The following GALNTL6 variants were observed in gnomAD, a reference collection of about 807,000 sequenced individuals.
The protein encoded by GALNTL6 is polypeptide N-acetylgalactosaminyltransferase like 6.
Under a neutral mutation model 73.7 loss-of-function variants are expected in GALNTL6, and 46 were observed. The observed-to-expected ratio is 0.62, with a 90% CI of 0.49 to 0.80. The LOEUF is 0.80. GALNTL6 is among the 30% of genes least tolerant of loss of function. GALNTL6 has a pLI of 0.00. For synonymous variants in GALNTL6, 259 were observed against 263.7 expected (o/e 0.98, Z 0.17); for missense variants, 604 against 755.0 (o/e 0.80, Z 2.34).
chr4:172,310,297 G>T (rs931404784), intron 3 of GALNTL6, among the ~76,000 whole-genome samples: 1 of 151,616 alleles, frequency 6.6e-6, no homozygotes, highest in Non-Finnish European at 1.5e-5. Context: ...ATATGACAGG[G>T]TCTTGTTCTG....
chr4:172,979,736 T>G (rs189076765), intron 10 of GALNTL6, among the ~76,000 whole-genome samples: 12 of 152,360 alleles, frequency 7.9e-5, no homozygotes, highest in African/African-American at 2.4e-4. Flanking sequence ...ACTGGAAAGC[T>G]TGGCTGTTAA....
rs192021939 is a variant in GALNTL6, at chr4:172,366,732, A to T, written c.553+18043A>T. ...CCTTGATTTTTTCTCTTACAATTAA[A>T]TTTATCTAAAGAAAAGACATGTCTG... On this transcript the variant is annotated intron_variant, in intron 5 of 12. Coordinates refer to ENST00000506823, the MANE Select transcript of GALNTL6 (RefSeq NM_001034845.3). 2.2e-3 allele frequency among the ~76,000 whole-genome samples: 330 copies of T among 152,278 alleles called. 1 individual carries two copies. The highest frequency in any genetic ancestry group is 7.1e-3 in the African/African-American group (296 of 41,558).
chr4:172,842,872 C>T (rs1426045696), intron 7 of GALNTL6, among the ~76,000 whole-genome samples: 1 of 151,910 alleles, frequency 6.6e-6, no homozygotes, highest in Non-Finnish European at 1.5e-5. Flanking sequence ...CAAAGTGAGC[C>T]GTGAGGGAAC....
At chr4:172,728,486 G>GTATATGTACATATACAGTGAAATA (rs1735957506) in intron 5 of GALNTL6, among the ~76,000 whole-genome samples, 1 of 151,680 alleles carries the variant, frequency 6.6e-6, no homozygotes, top group Non-Finnish European at 1.5e-5. Context: ...ATATTTCATT[G>GTATATGTACATATACAGTGAAATA]TATATGTACA....
intron 2 of GALNTL6, among the ~76,000 whole-genome samples, chr4:172,198,586 C>G (rs1735853604): frequency 6.6e-6 from 1 of 152,206 alleles, no homozygotes; most frequent in Admixed American, 6.5e-5. Flanking sequence ...AGTGCCCTCA[C>G]AAAAAGGTCA....
intron 2 of GALNTL6, among the ~76,000 whole-genome samples, chr4:172,080,843 A>T (rs1025243051): frequency 3.3e-5 from 5 of 151,640 alleles, no homozygotes; most frequent in African/African-American, 9.7e-5. Flanking sequence ...TTAATTTTTT[A>T]AATTTATATT....
chr4:172,952,337 C>A, intron 10 of GALNTL6, 79 bp downstream of exon 10: 1 of 930,624 alleles, frequency 1.1e-6, no homozygotes, highest in Non-Finnish European at 1.7e-6. Flanking sequence ...GTGGGAGGGA[C>A]TGCTAAAACC....
chr4:172,057,725 AAAATATAT>A (rs1731068780), intron 2 of GALNTL6, among the ~76,000 whole-genome samples: 9 of 62,886 alleles, frequency 1.4e-4, no homozygotes, highest in African/African-American at 5.7e-4. Context: ...AAAAAAAAAA[AAAATATAT>A]ATATATATAT....
chr4:171,999,148 T>C (rs1349739011), intron 2 of GALNTL6, among the ~76,000 whole-genome samples: 1 of 152,170 alleles, frequency 6.6e-6, no homozygotes, highest in African/African-American at 2.4e-5. Flanking sequence ...GATTCCTATG[T>C]TATTTACTAG....
intron 8 of GALNTL6, among the ~76,000 whole-genome samples, chr4:172,895,207 G>A (rs1319358156): frequency 6.6e-6 from 1 of 151,432 alleles, no homozygotes; most frequent in Non-Finnish European, 1.5e-5. Context: ...TTATGGATAA[G>A]TAAGAATTTA....
chr4:172,275,465 A>G (rs929296026), intron 3 of GALNTL6, among the ~76,000 whole-genome samples: 4 of 152,192 alleles, frequency 2.6e-5, no homozygotes, highest in Admixed American at 6.5e-5. Context: ...CCTGTACTTC[A>G]GTTTCTAAGA....
At chr4:171,905,033 C>A (rs1005638363) in intron 2 of GALNTL6, among the ~76,000 whole-genome samples, 12 of 152,132 alleles carry the variant, frequency 7.9e-5, no homozygotes, top group East Asian at 7.7e-4. Flanking sequence ...CGAGCCACTG[C>A]AAAATCATGC....
At position 172,849,227 on chromosome 4, in the gene GALNTL6, G is replaced by A. The variant is rs182221562; in HGVS notation, c.924-33563G>A. 4.6e-5 allele frequency among the ~76,000 whole-genome samples: 7 copies of A among 152,264 alleles called. No individual in the cohort carries two copies. The East Asian group carries it at 1.4e-3, about 29-fold the overall frequency. The stretch of plus-strand genomic sequence containing the variant: ...GTAAAAGGAAGACAATTTTTCAAAG[G>A]AAACTTGATGAAGATTGAGAGCCAA... On this transcript the variant is annotated intron_variant, in intron 7 of 12. Coordinates refer to ENST00000506823, the MANE Select transcript of GALNTL6 (RefSeq NM_001034845.3).
intron 12 of GALNTL6, among the ~76,000 whole-genome samples, chr4:173,037,154 A>G (rs1280481810): frequency 1.3e-5 from 2 of 152,198 alleles, no homozygotes; most frequent in African/African-American, 2.4e-5. Flanking sequence ...CTCCCAAGAC[A>G]AGGGTGAGCA....
intron 10 of GALNTL6, among the ~76,000 whole-genome samples, chr4:172,995,950 T>G (rs1751759731): frequency 6.6e-6 from 1 of 152,194 alleles, no homozygotes; most frequent in South Asian, 2.1e-4. Context: ...TGAGAGAATC[T>G]ATAACAAAAC....
chr4:172,552,837 T>TCAAAAAAAA (rs1206029152), intron 5 of GALNTL6, among the ~76,000 whole-genome samples: 1 of 80,410 alleles, frequency 1.2e-5, no homozygotes, highest in African/African-American at 5.9e-5. Flanking sequence ...GTAATTGCAG[T>TCAAAAAAAA]AAAAAAAAAA....
intron 10 of GALNTL6, among the ~76,000 whole-genome samples, chr4:172,989,790 A>G (rs535477577): frequency 6.6e-6 from 1 of 151,916 alleles, no homozygotes; most frequent in East Asian, 1.9e-4. Context: ...AGCCAATTAA[A>G]CCTCTTTTCT....
At chr4:172,456,222 G>A (rs1288879018) in intron 5 of GALNTL6, among the ~76,000 whole-genome samples, 1 of 152,046 alleles carries the variant, frequency 6.6e-6, no homozygotes, top group African/African-American at 2.4e-5. Context: ...GCCAAATGTA[G>A]ATAAATCCAC....
At chr4:172,021,398 A>G (rs1217147485) in intron 2 of GALNTL6, among the ~76,000 whole-genome samples, 2 of 152,106 alleles carry the variant, frequency 1.3e-5, no homozygotes, top group African/African-American at 2.4e-5. Flanking sequence ...GAAGTGAAAG[A>G]TATCTACAAT....
Sources: allele counts gnomAD v4.1 joint callset (sites outside exome capture counted in the v4.1 genomes callset), GRCh38; gene constraint gnomAD v4.1.1; transcripts MANE v1.5; gene names NCBI Gene and HGNC (gene_info 2026-07-23, HGNC 2026-07-21).